The following JPH3 variants were observed in gnomAD, a reference collection of about 807,000 sequenced individuals.
JPH3 encodes the protein junctophilin-3.
A neutral mutation model predicts 59.6 loss-of-function variants in JPH3; 11 were observed. That is an observed-to-expected ratio of 0.18 (90% CI 0.12 to 0.31). JPH3 has a LOEUF of 0.31. Ranked by LOEUF, JPH3 falls within the 10% of genes least tolerant of loss-of-function variation. The pLI is 1.00. For missense variants in JPH3, 1,202 were observed against 1,105.7 expected, an observed-to-expected ratio of 1.09 and a Z score of -1.24; for synonymous variants, 673 against 483.6, an observed-to-expected ratio of 1.39 and a Z score of -5.14.
intron 2 of JPH3, among the ~76,000 whole-genome samples, chr16:87,678,494 A>C (rs1186372417): frequency 6.6e-6 from 1 of 151,698 alleles, no homozygotes; most frequent in Non-Finnish European, 1.5e-5. Flanking sequence ...AGCCGAGATC[A>C]TGCCACTGCA....
chr16:87,663,679 G>C (rs553509884), intron 2 of JPH3, among the ~76,000 whole-genome samples: 1 of 152,016 alleles, frequency 6.6e-6, no homozygotes, highest in Non-Finnish European at 1.5e-5. Context: ...CCCCATCCTC[G>C]TCAGGGCACA....
chr16:87,658,495 C>G (rs961585907), intron 2 of JPH3, among the ~76,000 whole-genome samples: 3 of 152,008 alleles, frequency 2.0e-5, no homozygotes, highest in Non-Finnish European at 4.4e-5. Flanking sequence ...TTGTCCTTGT[C>G]TCTTTTTCTC....
chr16:87,637,686 C>T (rs1344543127), intron 1 of JPH3, among the ~76,000 whole-genome samples: 1 of 151,476 alleles, frequency 6.6e-6, no homozygotes, highest in Non-Finnish European at 1.5e-5. Flanking sequence ...ACAGCCACCA[C>T]TGGAGTCTAT....
At position 87,649,144 on chromosome 16, in the gene JPH3, C is replaced by T. The variant is rs77784799; in HGVS notation, c.1160+4109C>T. Among the ~76,000 whole-genome samples, 1,434 of 152,284 alleles carry T rather than the reference C, an allele frequency of 9.4e-3. 27 individuals carry two copies. The highest frequency in any genetic ancestry group is 0.033 in the African/African-American group (1,375 of 41,552). ...CTCTGCTGCAGAGAGGGGCGGGAGC[C>T]AGTGGCCCCGCGGAGCTGAGGTCAT... On this transcript the variant is annotated intron_variant, in intron 2 of 4. Coordinates refer to ENST00000284262, the MANE Select transcript of JPH3 (RefSeq NM_020655.4).
At chr16:87,683,441 A>T (rs1435495075) in intron 2 of JPH3, among the ~76,000 whole-genome samples, 1 of 151,682 alleles carries the variant, frequency 6.6e-6, no homozygotes. Context: ...AGTAGCTGGG[A>T]TTACAGGCAC....
intron 1 of JPH3, among the ~76,000 whole-genome samples, chr16:87,609,999 C>T (rs2562060): frequency 0.37 from 56,636 of 152,040 alleles, 11,500 homozygotes; most frequent in Non-Finnish European, 0.45. Context: ...TACAACTAGA[C>T]GGTCTCATCT....
chr16:87,632,442 T>C (rs61426341), intron 1 of JPH3, among the ~76,000 whole-genome samples: 3,958 of 152,310 alleles, frequency 0.026, 166 homozygotes, highest in African/African-American at 0.09. Flanking sequence ...TTTATCCTTT[T>C]TCTTGGTTTG....
At position 87,665,501 on chromosome 16, in the gene JPH3, A is replaced by T. The variant is rs2032833518; in HGVS notation, c.1161-18641A>T. ...CTGGGACCCGAGCTCTGAGGGAACA[A>T]CCTCCTCTGAGCCTCCCAAGGCCCC... On this transcript the variant is annotated intron_variant, in intron 2 of 4. Transcript: ENST00000284262. 2.0e-5 allele frequency among the ~76,000 whole-genome samples: 3 copies of T among 152,246 alleles called. No homozygotes were observed. The South Asian group carries it at 6.2e-4, about 32-fold the overall frequency.
At position 87,653,071 on chromosome 16, in the gene JPH3, G is replaced by C. The variant is rs568068757; in HGVS notation, c.1160+8036G>C. 2.9e-4 allele frequency among the ~76,000 whole-genome samples: 44 copies of C among 152,240 alleles called. 1 individual carries two copies. The South Asian group carries it at 8.5e-3, about 29-fold the overall frequency. Reference sequence around the variant, plus strand: ...GTCTCCAAGCCAGTCAGTGCCTGCGGGGGGGACTAGAATTCTCACCCAGGC... The same window carrying C: ...GTCTCCAAGCCAGTCAGTGCCTGCGCGGGGGACTAGAATTCTCACCCAGGC... On this transcript the variant is annotated intron_variant, in intron 2 of 4. Coordinates refer to ENST00000284262, the MANE Select transcript of JPH3 (RefSeq NM_020655.4).
At chr16:87,661,320 C>T (rs984303445) in intron 2 of JPH3, among the ~76,000 whole-genome samples, 8 of 152,228 alleles carry the variant, frequency 5.3e-5, no homozygotes, top group African/African-American at 1.9e-4. Flanking sequence ...TCTGCAAAGT[C>T]CCTTTTGCCA....
In JPH3 at chr16:87,644,822, C is replaced by G. The variant is rs2032086668; in HGVS notation, c.947C>G (p.Ala316Gly). ...SDGLKYEGEWASNRRHGYGCM... is the reference protein window; with the variant it reads ...SDGLKYEGEWGSNRRHGYGCM... ...GGGCTCAAGTACGAGGGCGAGTGGG[C>G]CAGCAACCGGCGCCATGGCTACGGC... The change falls in exon 2 of 5, where the codon GCC becomes GGC. Residue 316 changes from alanine (A) to glycine (G), a missense_variant. Ala to Gly is a moderately conservative substitution (Grantham distance 60). Transcript: ENST00000284262. 1 of 1,613,190 alleles carries G rather than the reference C, an allele frequency of 6.2e-7. No homozygotes were observed. Among genetic ancestry groups the G allele is most frequent in the Admixed American group, 1.7e-5 (1 of 59,980 alleles).
In JPH3 at chr16:87,644,961, G is replaced by A. The variant is rs2032093665; in HGVS notation, c.1086G>A (p.Lys362=). 1 of 1,611,230 alleles carries A rather than the reference G, an allele frequency of 6.2e-7. No individual in the cohort carries two copies. Among genetic ancestry groups the A allele is most frequent in the Non-Finnish European group, 8.5e-7 (1 of 1,179,876 alleles). Residue 362 remains lysine, a synonymous_variant, in exon 2 of 5, where the codon AAG becomes AAA. Transcript: ENST00000284262. ...TGCGGGCCAGCAAGATCCGCGAGAAGGTGGACCGCGCCGTTGAGGCCGCTG... is the reference window on the plus strand; with the variant it reads ...TGCGGGCCAGCAAGATCCGCGAGAAAGTGGACCGCGCCGTTGAGGCCGCTG... ...IPLRASKIRE[K]VDRAVEAAER... is the part of the protein sequence containing the mutation.
rs1018341430 is a variant in JPH3, at chr16:87,697,651, A to G, written c.*991A>G. On this transcript the variant is annotated 3_prime_UTR_variant, in exon 5 of 5. Coordinates refer to ENST00000284262, the MANE Select transcript of JPH3 (RefSeq NM_020655.4). Reference sequence around the variant, plus strand: ...CCTGCCTCAACTTCCCCTAACAGATATGCATATTCCTTCCAGATGCCTCAG... The same window carrying G: ...CCTGCCTCAACTTCCCCTAACAGATGTGCATATTCCTTCCAGATGCCTCAG... 6.6e-6 allele frequency: 1 copy of G among 152,244 alleles called. No homozygotes were observed. The highest frequency in any genetic ancestry group is 2.4e-5 in the African/African-American group (1 of 41,438). The allele number at this position is 152,244 out of a possible 1,614,324, so 9.4% of individuals were successfully genotyped here.
chr16:87,686,518 T>A (rs2033422342), intron 3 of JPH3, among the ~76,000 whole-genome samples: 1 of 144,634 alleles, frequency 6.9e-6, no homozygotes, highest in African/African-American at 2.6e-5. Flanking sequence ...TCAGAGATGT[T>A]TCCCGGAGGG....
chr16:87,604,639 A>C, intron 1 of JPH3: 1 of 1,182,008 alleles, frequency 8.5e-7, no homozygotes, highest in Non-Finnish European at 1.1e-6. Flanking sequence ...CGTGTGCTCT[A>C]GTCCTCCCCG....
Position 87,658,885 on chromosome 16 carries a change from C to A in JPH3, c.1160+13850C>A, listed in dbSNP as rs532952991. Among the ~76,000 whole-genome samples the A allele has an allele frequency of 3.4e-4, 52 of 152,358 alleles. 1 individual carries two copies. The highest frequency in any genetic ancestry group is 1.3e-3 in the African/African-American group (52 of 41,572). On this transcript the variant is annotated intron_variant, in intron 2 of 4. Transcript: ENST00000284262. ...CTATTTCCTCCTCTCCAAACCCAGC[C>A]ATCCCAGTTAATTATTTGCCCAGCA...
At chr16:87,636,021 C>T (rs1261305672) in intron 1 of JPH3, among the ~76,000 whole-genome samples, 1 of 152,256 alleles carries the variant, frequency 6.6e-6, no homozygotes, top group African/African-American at 2.4e-5. Flanking sequence ...GCCGTGCTGA[C>T]CGAGCCAGAC....
At chr16:87,610,516 T>A (rs78737805) in intron 1 of JPH3, among the ~76,000 whole-genome samples, 5,245 of 152,258 alleles carry the variant, frequency 0.034, 204 homozygotes, top group African/African-American at 0.098. Context: ...ATGAATGACC[T>A]GTGCAAGTAA....
In JPH3 at chr16:87,689,803, C is replaced by T. The variant is rs2033513826; in HGVS notation, c.1443C>T (p.Pro481=). 2.5e-6 allele frequency: 4 copies of T among 1,594,068 alleles called. No homozygotes were observed. In the South Asian group the frequency reaches 4.5e-5, roughly 18 times the overall value. Residue 481 remains proline (P), a synonymous_variant, in exon 4 of 5, where the codon CCC becomes CCT. Transcript: ENST00000284262. The part of the protein sequence containing the change: ...TPDDSPLQSF[P]TSPAATPPPA... Reference sequence around the variant, plus strand: ...ACGACAGCCCCCTGCAGAGCTTCCCCACCAGCCCCGCGGCCACCCCGCCGC... The same window carrying T: ...ACGACAGCCCCCTGCAGAGCTTCCCTACCAGCCCCGCGGCCACCCCGCCGC...
Sources: allele counts gnomAD v4.1 joint callset (sites outside exome capture counted in the v4.1 genomes callset), GRCh38; gene constraint gnomAD v4.1.1; transcripts MANE v1.5; gene names NCBI Gene and HGNC (gene_info 2026-07-23, HGNC 2026-07-21).